Variants in FASTKD1 observed in about 807,000 individuals in gnomAD.
FASTKD1 encodes FAST kinase domains 1, also known as FAST kinase domain-containing protein 1, mitochondrial.
In FASTKD1, 94 loss-of-function variants were observed where a neutral mutation model predicts 90.9. The observed-to-expected ratio is 1.03, with a 90% CI of 0.88 to 1.23. FASTKD1 has a LOEUF of 1.23. FASTKD1 is among the 50% of genes most tolerant of loss of function. The pLI is 0.00. For missense variants in FASTKD1, 945 were observed against 993.5 expected (o/e 0.95, Z 0.66); for synonymous variants, 319 against 345.8 (o/e 0.92, Z 0.86).
chr2:169,549,299 C>T (rs572407864), intron 7 of FASTKD1, among the ~76,000 whole-genome samples: 4 of 145,388 alleles, frequency 2.8e-5, no homozygotes, highest in South Asian at 2.2e-4. Context: ...GCTACTCGGG[C>T]GGCTGAGGCA....
At chr2:169,561,756 T>TTTATTAATTTATTATAAATTAC (rs1559156450) in intron 4 of FASTKD1, among the ~76,000 whole-genome samples, 11 of 127,994 alleles carry the variant, frequency 8.6e-5, no homozygotes, top group African/African-American at 3.1e-4. Flanking sequence ...TTATAAATTA[T>TTTATTAATTTATTATAAATTAC]TTATTAATTT....
Position 169,571,961 on chromosome 2 carries a change from T to C in FASTKD1, c.69A>G (p.Pro23=). ...GAAATTGAAACACTCTCCAGGAGAATGGACAAATAGCTCTTAGACGAAGCA... is the reference window on the plus strand; with the variant it reads ...GAAATTGAAACACTCTCCAGGAGAACGGACAAATAGCTCTTAGACGAAGCA... The part of the protein sequence containing the change: ...TNMLRLRAIC[P]FSWRVFQFRP... Residue 23 remains proline (P), a synonymous_variant, in exon 2 of 15, where the codon CCA becomes CCG. Coordinates refer to ENST00000453153, the MANE Select transcript of FASTKD1 (RefSeq NM_024622.6). The C allele has an allele frequency of 6.2e-7, 1 of 1,613,670 alleles. No individual in the cohort carries two copies. Among genetic ancestry groups the C allele is most frequent in the African/African-American group, 1.3e-5 (1 of 75,050 alleles).
At chr2:169,561,777 ATTT>A (rs1683633255) in intron 4 of FASTKD1, among the ~76,000 whole-genome samples, 1 of 137,286 alleles carries the variant, frequency 7.3e-6, no homozygotes, top group African/African-American at 2.7e-5. Context: ...ATTGTAAATT[ATTT>A]ATTAATTTAT....
At chr2:169,537,957 C>T in intron 11 of FASTKD1, 56 bp downstream of exon 11, 6 of 1,467,276 alleles carry the variant, frequency 4.1e-6, no homozygotes, top group African/African-American at 1.4e-5. Context: ...CAATGTACTA[C>T]CTAATAATTT....
chr2:169,560,168 T>A, intron 5 of FASTKD1: 1 of 306,268 alleles, frequency 3.3e-6, no homozygotes, highest in Non-Finnish European at 6.0e-6. Context: ...TGGCCCAGTA[T>A]CAGAGGTTTA....
Position 169,528,706 on chromosome 2 carries a change from G to C in FASTKD1, c.*1119C>G, listed in dbSNP as rs556791547. On this transcript the variant is annotated 3_prime_UTR_variant, in exon 15 of 15. Coordinates refer to ENST00000453153, the MANE Select transcript of FASTKD1 (RefSeq NM_024622.6). Reference sequence around the variant, plus strand: ...GCTTTCACATGCACCACTTCAAAACGACTATTTTCAAAGTACTAATGATTT... The same window carrying C: ...GCTTTCACATGCACCACTTCAAAACCACTATTTTCAAAGTACTAATGATTT... 1.3e-5 allele frequency among the ~76,000 whole-genome samples: 2 copies of C among 152,004 alleles called. No homozygotes were observed. The highest frequency in any genetic ancestry group is 2.9e-5 in the Non-Finnish European group (2 of 68,014).
At chr2:169,538,581 C>A (rs1684829542) in intron 10 of FASTKD1, among the ~76,000 whole-genome samples, 1 of 148,190 alleles carries the variant, frequency 6.7e-6, no homozygotes, top group Admixed American at 7.0e-5. Context: ...GAGGCCAAGG[C>A]AGGAGAATCG....
At chr2:169,546,940 A>G (rs1237168626) in intron 7 of FASTKD1, among the ~76,000 whole-genome samples, 1 of 152,156 alleles carries the variant, frequency 6.6e-6, no homozygotes, top group Non-Finnish European at 1.5e-5. Flanking sequence ...TGTCCAATTC[A>G]GTTCTGACAC....
intron 7 of FASTKD1, among the ~76,000 whole-genome samples, chr2:169,554,777 C>A (rs1685669033): frequency 6.6e-6 from 1 of 152,126 alleles, no homozygotes; most frequent in South Asian, 2.1e-4. Flanking sequence ...GACCGAAAGG[C>A]CCTAAATATG....
intron 12 of FASTKD1, among the ~76,000 whole-genome samples, chr2:169,534,593 G>A (rs2105332717): frequency 6.6e-6 from 1 of 151,678 alleles, no homozygotes. Context: ...AGGAGTAGCT[G>A]GGATTACAGG....
intron 11 of FASTKD1, 54 bp from the exon 12 acceptor site, chr2:169,537,394 T>C: frequency 7.8e-7 from 1 of 1,289,152 alleles, no homozygotes; most frequent in Non-Finnish European, 1.1e-6. Context: ...CTTTTTTTTT[T>C]TCCTTTGAGA....
At chr2:169,544,328 G>C (rs1330244175) in intron 9 of FASTKD1, among the ~76,000 whole-genome samples, 2 of 152,134 alleles carry the variant, frequency 1.3e-5, no homozygotes, top group Non-Finnish European at 1.5e-5. Context: ...CCAACACTTT[G>C]GGAAGCCTTG....
intron 4 of FASTKD1, among the ~76,000 whole-genome samples, chr2:169,562,318 C>T (rs562785153): frequency 6.6e-6 from 1 of 151,778 alleles, no homozygotes; most frequent in Non-Finnish European, 1.5e-5. Context: ...CTGCAACCTC[C>T]ACCTCCCAGG....
At chr2:169,544,645 G>A in intron 9 of FASTKD1, 76 bp downstream of exon 9, 1 of 802,184 alleles carries the variant, frequency 1.2e-6, no homozygotes, top group African/African-American at 1.7e-5. Context: ...CTTTAAATGA[G>A]GGACATCTCC....
chr2:169,533,414 G>C (rs1036898728), intron 12 of FASTKD1, among the ~76,000 whole-genome samples: 12 of 152,070 alleles, frequency 7.9e-5, no homozygotes, highest in African/African-American at 2.9e-4. Context: ...ATGAATTCTA[G>C]AGCCAGAATG....
chr2:169,530,982 A>G, intron 13 of FASTKD1: 1 of 669,374 alleles, frequency 1.5e-6, no homozygotes, highest in Non-Finnish European at 2.8e-6. Flanking sequence ...GGGTACAAAT[A>G]TGAAGCAACA....
intron 12 of FASTKD1, among the ~76,000 whole-genome samples, chr2:169,533,639 T>C (rs115875733): frequency 1.8e-3 from 272 of 152,290 alleles, no homozygotes; most frequent in African/African-American, 6.4e-3. Flanking sequence ...CTATTATTGT[T>C]GTTATATGAA....
intron 3 of FASTKD1, among the ~76,000 whole-genome samples, chr2:169,568,655 AAG>A (rs1221776558): frequency 3.2e-5 from 4 of 125,894 alleles, no homozygotes; most frequent in Admixed American, 8.6e-5. Flanking sequence ...AAAAAAAAAA[AAG>A]AGAGACAGAA....
chr2:169,543,152 C>T (rs1685031104), intron 9 of FASTKD1, among the ~76,000 whole-genome samples: 3 of 152,046 alleles, frequency 2.0e-5, no homozygotes, highest in Admixed American at 2.0e-4. Flanking sequence ...GACATAACTA[C>T]TCAATGCTGG....
Sources: allele counts gnomAD v4.1 joint callset (sites outside exome capture counted in the v4.1 genomes callset), GRCh38; gene constraint gnomAD v4.1.1; transcripts MANE v1.5; gene names NCBI Gene and HGNC (gene_info 2026-07-23, HGNC 2026-07-21).